The following EFCAB8 variants were observed in gnomAD, a reference collection of about 807,000 sequenced individuals.
EFCAB8 encodes EF-hand calcium-binding domain-containing protein 8.
Under a neutral mutation model 116.3 loss-of-function variants are expected in EFCAB8, and 100 were observed. That is an observed-to-expected ratio of 0.86 (90% CI 0.73 to 1.02). EFCAB8 has a LOEUF of 1.02. Ranked by LOEUF, EFCAB8 falls within the 50% of genes least tolerant of loss-of-function variation. The probability of loss-of-function intolerance (pLI) is 0.00; values close to 1 mark genes in which losing one functional copy is unlikely to be tolerated. For synonymous variants in EFCAB8, 558 were observed against 567.9 expected, an observed-to-expected ratio of 0.98 and a Z score of 0.25; for missense variants, 1,320 against 1,416.9, an observed-to-expected ratio of 0.93 and a Z score of 1.10.
At chr20:32,945,519 G>T (rs1988565755) in intron 23 of EFCAB8, among the ~76,000 whole-genome samples, 1 of 152,050 alleles carries the variant, frequency 6.6e-6, no homozygotes, top group African/African-American at 2.4e-5. Context: ...TTCATGTATT[G>T]TTTCCCTGAG....
At chr20:32,879,189 G>T (rs1985179072) in intron 5 of EFCAB8, among the ~76,000 whole-genome samples, 1 of 152,194 alleles carries the variant, frequency 6.6e-6, no homozygotes, top group Non-Finnish European at 1.5e-5. Flanking sequence ...CATCATAGGG[G>T]CACAGGTGGC....
chr20:32,920,669 T>A (rs1987408618), intron 20 of EFCAB8, among the ~76,000 whole-genome samples: 1 of 152,116 alleles, frequency 6.6e-6, no homozygotes, highest in South Asian at 2.1e-4. Context: ...CATGATTCAG[T>A]TACCTCCCTC....
At chr20:32,876,841 G>A (rs1259363904) in intron 4 of EFCAB8, among the ~76,000 whole-genome samples, 2 of 152,096 alleles carry the variant, frequency 1.3e-5, no homozygotes, top group Non-Finnish European at 2.9e-5. Context: ...GGTGGTGCAC[G>A]CCTATAGTCC....
intron 11 of EFCAB8, among the ~76,000 whole-genome samples, chr20:32,901,550 G>A (rs1005667646): frequency 2.7e-5 from 4 of 145,816 alleles, no homozygotes; most frequent in Non-Finnish European, 5.9e-5. Flanking sequence ...TCTGTGGGCC[G>A]GGCCTGCTGC....
rs1199501264 is a variant in EFCAB8, at chr20:32,930,535, T to TG, written c.2554dup (p.Asp852GlyfsTer10). 2.6e-6 allele frequency: 4 copies of TG among 1,552,068 alleles called. No homozygotes were observed. The African/African-American group carries it at 5.5e-5, about 21-fold the overall frequency. Reference sequence around the variant, plus strand: ...GGAAGTTCCCTGTGGACCTAGACAATGGGGATGTTGTCGTGGGTGCCATGG... The same window carrying TG: ...GGAAGTTCCCTGTGGACCTAGACAATGGGGGATGTTGTCGTGGGTGCCATGG... On this transcript the variant is annotated frameshift_variant, in exon 21 of 27. Coordinates refer to ENST00000400522, the MANE Select transcript of EFCAB8 (RefSeq NM_001143967.2). LOFTEE classifies it high-confidence loss of function.
intron 5 of EFCAB8, among the ~76,000 whole-genome samples, chr20:32,879,695 G>A (rs1303809602): frequency 1.3e-5 from 2 of 152,138 alleles, no homozygotes; most frequent in Non-Finnish European, 1.5e-5. Context: ...AATACATGGC[G>A]GAAATAGCAA....
At chr20:32,900,977 C>T (rs1380846164) in intron 11 of EFCAB8, among the ~76,000 whole-genome samples, 8 of 152,256 alleles carry the variant, frequency 5.3e-5, no homozygotes, top group Admixed American at 5.2e-4. Flanking sequence ...GCTGGGATTA[C>T]AGGCATGAGC....
chr20:32,903,788 T>G (rs983038732), intron 11 of EFCAB8: 4 of 152,502 alleles, frequency 2.6e-5, no homozygotes, highest in African/African-American at 7.2e-5. Context: ...TACGGCAAAG[T>G]CAGGGGCCTG....
At chr20:32,861,293 A>G (rs918781629) in intron 1 of EFCAB8, among the ~76,000 whole-genome samples, 2 of 151,872 alleles carry the variant, frequency 1.3e-5, no homozygotes, top group African/African-American at 4.8e-5. Context: ...AACACATTTT[A>G]TTTTATTTTT....
intron 17 of EFCAB8, among the ~76,000 whole-genome samples, chr20:32,915,288 A>C (rs147050457): frequency 1.5e-3 from 232 of 152,256 alleles, no homozygotes; most frequent in African/African-American, 5.2e-3. Context: ...GAAACCAGGA[A>C]CTCCTTCAAT....
At chr20:32,889,777 G>A (rs1014637429) in intron 7 of EFCAB8, among the ~76,000 whole-genome samples, 3 of 151,974 alleles carry the variant, frequency 2.0e-5, no homozygotes, top group Non-Finnish European at 4.4e-5. Context: ...CGAGGCAGGC[G>A]GATCACCTGA....
chr20:32,940,531 A>C (rs1449680930), intron 22 of EFCAB8, among the ~76,000 whole-genome samples: 1 of 149,846 alleles, frequency 6.7e-6, no homozygotes, highest in Non-Finnish European at 1.5e-5. Flanking sequence ...TGTGTCTTAG[A>C]TATGACACCA....
rs752996097 is a variant in EFCAB8, at chr20:32,961,299, T to C, written c.3557T>C (p.Leu1186Pro). 203 of 1,541,264 alleles carry C rather than the reference T, an allele frequency of 1.3e-4. No homozygotes were observed. The highest frequency in any genetic ancestry group is 1.6e-4 in the Non-Finnish European group (183 of 1,142,440). ...GTGCCCAGCAGGGAGCAGGCTGTGC[T>C]GGATACCACGGACAGCACGCCTGCG... ...DLVPSREQAV[L>P]DTTDSTPAAA... Residue 1186 changes from leucine to proline, a missense_variant, in exon 27 of 27, where the codon CTG becomes CCG. Physicochemically the swap from Leu to Pro is moderately conservative, Grantham distance 98 (BLOSUM62 -3). Coordinates refer to ENST00000400522, the MANE Select transcript of EFCAB8 (RefSeq NM_001143967.2).
intron 16 of EFCAB8, among the ~76,000 whole-genome samples, chr20:32,912,533 A>G (rs941455131): frequency 6.6e-6 from 1 of 151,952 alleles, no homozygotes; most frequent in Admixed American, 6.5e-5. Context: ...ACTTGACCTT[A>G]GCCAGGTCAC....
chr20:32,918,381 G>C lies in EFCAB8; in HGVS notation c.2081G>C (p.Cys694Ser). 1 of 1,551,742 alleles carries C rather than the reference G, an allele frequency of 6.4e-7. No individual in the cohort carries two copies. The highest frequency in any genetic ancestry group is 8.7e-7 in the Non-Finnish European group (1 of 1,146,986). The part of the protein sequence containing the change: ...QPKRVQDVNN[C>S]LAESHRPSRP... ...GTACAGGTGCAAGATGTGAACAACT[G>C]CCTGGCTGAGAGCCACAGGCCCAGC... The change falls in exon 19 of 27, where the codon TGC becomes TCC. Residue 694 changes from cysteine (C) to serine (S), a missense_variant. Transcript: ENST00000400522.
rs371803318 is a variant in EFCAB8 at position 32,908,194 on chromosome 20, C to T, written c.1309-81C>T. The T allele has an allele frequency of 3.1e-5, 38 of 1,233,582 alleles. No homozygotes were observed. In the African/African-American group the frequency reaches 3.4e-4, roughly 11 times the overall value. 76.4% of individuals were successfully genotyped at this position (1,233,582 alleles called of 1,614,324 possible). On this transcript the variant is annotated intron_variant, in intron 13 of 26. Coordinates refer to ENST00000400522, the MANE Select transcript of EFCAB8 (RefSeq NM_001143967.2). ...GACGATGTGCCCTGGCCTTGTTCGC[C>T]GGAGGCACCCCCGAGGCTTCAGGAG...
chr20:32,921,503 A>G (rs1284275831), intron 20 of EFCAB8, among the ~76,000 whole-genome samples: 3 of 152,020 alleles, frequency 2.0e-5, no homozygotes, highest in African/African-American at 4.8e-5. Flanking sequence ...GATGTGAACC[A>G]TTATACCCAG....
intron 17 of EFCAB8, among the ~76,000 whole-genome samples, chr20:32,914,969 G>A (rs1195780461): frequency 6.6e-6 from 1 of 151,418 alleles, no homozygotes; most frequent in Non-Finnish European, 1.5e-5. Context: ...TGCGATTATC[G>A]CTCACTGCAG....
chr20:32,884,303 G>C (rs1600381597), intron 5 of EFCAB8, among the ~76,000 whole-genome samples: 1 of 152,206 alleles, frequency 6.6e-6, no homozygotes, highest in East Asian at 1.9e-4. Context: ...AGCCCTAGGA[G>C]GTGCAGGTGC....
Sources: allele counts gnomAD v4.1 joint callset (sites outside exome capture counted in the v4.1 genomes callset), GRCh38; gene constraint gnomAD v4.1.1; transcripts MANE v1.5; gene names NCBI Gene and HGNC (gene_info 2026-07-23, HGNC 2026-07-21).